SRGAP3: variants seen among roughly 807,000 people sequenced by gnomAD.
The protein encoded by SRGAP3 is SLIT-ROBO Rho GTPase-activating protein 3.
SRGAP3 carries 39 observed loss-of-function variants against 121.1 expected under a neutral mutation model. That is an observed-to-expected ratio of 0.32 (90% CI 0.25 to 0.42). SRGAP3 has a LOEUF of 0.42. Among genes scored for constraint, SRGAP3 ranks in the 10% least tolerant of loss-of-function variants. The pLI, the probability that SRGAP3 is intolerant of heterozygous loss-of-function variation, is 1.00. For missense variants in SRGAP3, 1,213 were observed against 1,470.6 expected, an observed-to-expected ratio of 0.82 and a Z score of 2.86; for synonymous variants, 601 against 570.0, an observed-to-expected ratio of 1.05 and a Z score of -0.77.
intron 1 of SRGAP3, among the ~76,000 whole-genome samples, chr3:9,147,758 C>G (rs1472782699): frequency 6.6e-5 from 10 of 152,156 alleles, no homozygotes. Flanking sequence ...TTCCACACAG[C>G]CGTCCAGAGT....
At chr3:9,206,415 C>T (rs1229603227) in intron 1 of SRGAP3, among the ~76,000 whole-genome samples, 1 of 152,198 alleles carries the variant, frequency 6.6e-6, no homozygotes, top group African/African-American at 2.4e-5. Flanking sequence ...TGGCTTCCCA[C>T]ATGAAACTTC....
chr3:9,156,078 G>A (rs892274266), intron 1 of SRGAP3, among the ~76,000 whole-genome samples: 7 of 152,348 alleles, frequency 4.6e-5, no homozygotes, highest in Middle Eastern at 3.4e-3. Context: ...GCCTCCCAAA[G>A]TGCTGGGATT....
intron 2 of SRGAP3, among the ~76,000 whole-genome samples, chr3:9,328,521 C>T (rs969826006): frequency 6.6e-6 from 1 of 152,188 alleles, no homozygotes; most frequent in Non-Finnish European, 1.5e-5. Context: ...CCTTTTAAAA[C>T]TTCTTATTAT....
intron 3 of SRGAP3, among the ~76,000 whole-genome samples, chr3:9,263,235 T>C (rs976631637): frequency 6.6e-6 from 1 of 152,198 alleles, no homozygotes; most frequent in Non-Finnish European, 1.5e-5. Flanking sequence ...AAGGGAAATT[T>C]ATAGCACTAA....
intron 4 of SRGAP3, among the ~76,000 whole-genome samples, chr3:9,076,473 T>C (rs373052113): frequency 3.3e-5 from 5 of 152,328 alleles, no homozygotes; most frequent in East Asian, 1.9e-4. Context: ...ACGAGGTTAA[T>C]TGATTTGGCC....
chr3:9,344,350 G>T (rs1955846373), intron 1 of SRGAP3, among the ~76,000 whole-genome samples: 1 of 152,186 alleles, frequency 6.6e-6, no homozygotes, highest in African/African-American at 2.4e-5. Context: ...AGCTATTCAG[G>T]AGGCTGAGGC....
chr3:9,239,672 T>G lies in SRGAP3; in HGVS notation c.67+9213A>C, dbSNP rs560790617. 5.3e-5 allele frequency among the ~76,000 whole-genome samples: 8 copies of G among 152,342 alleles called. No individual in the cohort carries two copies. The highest frequency in any genetic ancestry group is 2.6e-4 in the Admixed American group (4 of 15,302). On this transcript the variant is annotated intron_variant, in intron 1 of 21. Transcript: ENST00000383836. The surrounding 1 kb of genome is among the most constrained non-coding windows in gnomAD (Gnocchi z 4.0). ...CAATGCATATTGATTAGGGCTGCACTGTTTCCAAATTACCATTTAAATCAA... is the reference window on the plus strand; with the variant it reads ...CAATGCATATTGATTAGGGCTGCACGGTTTCCAAATTACCATTTAAATCAA...
chr3:9,001,666 T>A (rs1942777235), intron 18 of SRGAP3, among the ~76,000 whole-genome samples: 1 of 152,024 alleles, frequency 6.6e-6, no homozygotes, highest in Non-Finnish European at 1.5e-5. Flanking sequence ...TAAAATAATT[T>A]AAAAGACACA....
intron 3 of SRGAP3, among the ~76,000 whole-genome samples, chr3:9,291,549 AAAACAATCAAT>A (rs1954869932): frequency 6.6e-6 from 1 of 152,018 alleles, no homozygotes; most frequent in African/African-American, 2.4e-5. Context: ...ATTCTCCCAA[AAAACAATCAAT>A]AAGCAAGGAC....
intron 1 of SRGAP3, among the ~76,000 whole-genome samples, chr3:9,179,226 A>G (rs1040569197): frequency 6.6e-6 from 1 of 152,112 alleles, no homozygotes; most frequent in Non-Finnish European, 1.5e-5. Context: ...TGTAATTTCT[A>G]GTTGTTTCAA....
intron 19 of SRGAP3, among the ~76,000 whole-genome samples, chr3:8,993,283 C>T (rs1942180737): frequency 6.6e-6 from 1 of 152,246 alleles, no homozygotes; most frequent in Non-Finnish European, 1.5e-5. Flanking sequence ...CCCACACCTA[C>T]CTCCTCCTTT....
chr3:9,248,584 A>G (rs1363203804), intron 1 of SRGAP3, among the ~76,000 whole-genome samples: 1 of 152,120 alleles, frequency 6.6e-6, no homozygotes, highest in African/African-American at 2.4e-5. Context: ...GTGACATGTC[A>G]CCGCCAAGAT....
At chr3:9,148,899 A>G (rs1047626623) in intron 1 of SRGAP3, among the ~76,000 whole-genome samples, 1 of 152,216 alleles carries the variant, frequency 6.6e-6, no homozygotes, top group Non-Finnish European at 1.5e-5. Context: ...AGCAGCATCA[A>G]CATCATTCCC....
intron 3 of SRGAP3, among the ~76,000 whole-genome samples, chr3:9,323,012 A>G (rs1367156231): frequency 6.6e-6 from 1 of 151,978 alleles, no homozygotes; most frequent in African/African-American, 2.4e-5. Context: ...CTATTCATAC[A>G]TATAACACAG....
Position 9,248,638 on chromosome 3 carries a change from C to A in SRGAP3, c.67+247G>T, listed in dbSNP as rs193100849. 1.8e-4 allele frequency among the ~76,000 whole-genome samples: 27 copies of A among 152,272 alleles called. No individual in the cohort carries two copies. In the East Asian group the frequency reaches 5.2e-3, roughly 29 times the overall value. On this transcript the variant is annotated intron_variant, in intron 1 of 21. Coordinates refer to ENST00000383836, the MANE Select transcript of SRGAP3 (RefSeq NM_014850.4). ...CTCCTAAAGTCAGGCATAGGATCCT[C>A]CTCACACACCTGCAATGCAGAGACT...
intron 1 of SRGAP3, among the ~76,000 whole-genome samples, chr3:9,243,145 G>T (rs557407667): frequency 6.6e-6 from 1 of 152,174 alleles, no homozygotes; most frequent in Non-Finnish European, 1.5e-5. Context: ...TGGAACAGAG[G>T]GGGAGATATG....
intron 3 of SRGAP3, among the ~76,000 whole-genome samples, chr3:9,090,221 A>G (rs1947694294): frequency 6.6e-6 from 1 of 152,168 alleles, no homozygotes; most frequent in African/African-American, 2.4e-5. Context: ...TTTCCCAACA[A>G]TTAGAGCACA....
chr3:9,167,022 T>C (rs1298336206), intron 1 of SRGAP3, among the ~76,000 whole-genome samples: 1 of 152,152 alleles, frequency 6.6e-6, no homozygotes, highest in Non-Finnish European at 1.5e-5. Context: ...GACTCAACTA[T>C]CCCTGTTCTT....
At chr3:9,079,878 C>G in intron 4 of SRGAP3, 147 bp downstream of exon 4, 5 of 741,422 alleles carry the variant, frequency 6.7e-6, no homozygotes, top group Non-Finnish European at 1.1e-5. Flanking sequence ...TCATTACATC[C>G]TGACACGATG....
Sources: gnomAD v4.1 joint callset for allele counts (sites outside exome capture counted in the v4.1 genomes callset) on GRCh38, gnomAD v4.1.1 for gene constraint, Gnocchi (gnomAD v3.1) non-coding constraint, MANE v1.5 for transcripts, NCBI Gene and HGNC (gene_info 2026-07-23, HGNC 2026-07-21) for gene names.